JARID2: variants seen among roughly 807,000 people sequenced by gnomAD.
JARID2 encodes protein Jumonji.
In JARID2, 21 loss-of-function variants were observed where a neutral mutation model predicts 125.6. That is an observed-to-expected ratio of 0.17 (90% CI 0.12 to 0.24). The LOEUF is 0.24. Ranked by LOEUF, JARID2 falls within the 10% of genes least tolerant of loss-of-function variation. The pLI, the probability that JARID2 is intolerant of heterozygous loss-of-function variation, is 1.00. For synonymous variants in JARID2, 736 were observed against 661.6 expected (o/e 1.11, Z -1.73); for missense variants, 1,303 against 1,639.6 (o/e 0.79, Z 3.55).
At chr6:15,304,965 C>A (rs1761768718) in intron 1 of JARID2, among the ~76,000 whole-genome samples, 1 of 152,008 alleles carries the variant, frequency 6.6e-6, no homozygotes, top group Non-Finnish European at 1.5e-5. Context: ...CTTTTTACAA[C>A]CAGTTATGAT....
intron 4 of JARID2, among the ~76,000 whole-genome samples, chr6:15,454,677 TG>T (rs1368328460): frequency 6.6e-6 from 1 of 151,824 alleles, no homozygotes; most frequent in Non-Finnish European, 1.5e-5. Context: ...GAAGGAGTCT[TG>T]CTGTGTTCCC....
intron 2 of JARID2, among the ~76,000 whole-genome samples, chr6:15,398,323 C>T (rs1200487551): frequency 6.6e-6 from 1 of 152,194 alleles, no homozygotes; most frequent in African/African-American, 2.4e-5. Flanking sequence ...GTGGTGCCTT[C>T]AGCCTATTAA....
rs1770416795 is a variant in JARID2, at chr6:15,496,262, C to T, written c.1037C>T (p.Ala346Val). The T allele has an allele frequency of 6.2e-7, 1 of 1,614,068 alleles. No homozygotes were observed. The highest frequency in any genetic ancestry group is 8.5e-7 in the Non-Finnish European group (1 of 1,180,056). ...VKYTATVTKG[A>V]VTYTKAKREL... ...TACACTGCCACGGTGACGAAGGGGG[C>T]TGTCACATACACCAAAGCCAAGAGA... The change falls in exon 7 of 18, where the codon GCT becomes GTT. Residue 346 changes from alanine to valine, a missense_variant. By Grantham distance (64) the Ala-to-Val change is moderately conservative. Transcript: ENST00000341776.
chr6:15,288,699 G>T (rs1198578592), intron 1 of JARID2, among the ~76,000 whole-genome samples: 1 of 152,108 alleles, frequency 6.6e-6, no homozygotes, highest in Non-Finnish European at 1.5e-5. Context: ...ACTTTATTCA[G>T]GCCTCAGCTT....
chr6:15,326,580 C>T (rs532022273), intron 1 of JARID2, among the ~76,000 whole-genome samples: 3 of 152,288 alleles, frequency 2.0e-5, no homozygotes, highest in East Asian at 1.9e-4. Context: ...TCGCTCACTG[C>T]GACCTCCACC....
At chr6:15,503,846 T>C (rs1770861613) in intron 8 of JARID2, among the ~76,000 whole-genome samples, 1 of 152,170 alleles carries the variant, frequency 6.6e-6, no homozygotes, top group Non-Finnish European at 1.5e-5. Flanking sequence ...CCAAACTGAC[T>C]CAGCTGTTTT....
chr6:15,348,513 C>T (rs906963524), intron 1 of JARID2, among the ~76,000 whole-genome samples: 1 of 152,148 alleles, frequency 6.6e-6, no homozygotes, highest in African/African-American at 2.4e-5. Context: ...GGGACTGGTT[C>T]AGAGTCTTCA....
At chr6:15,499,665 T>C (rs1340512540) in intron 7 of JARID2, among the ~76,000 whole-genome samples, 2 of 152,162 alleles carry the variant, frequency 1.3e-5, no homozygotes, top group East Asian at 3.9e-4. Context: ...TCTGGGAGTC[T>C]GTGAGACCTG....
intron 12 of JARID2, among the ~76,000 whole-genome samples, chr6:15,509,633 T>C (rs1018048422): frequency 4.6e-5 from 7 of 152,242 alleles, no homozygotes; most frequent in African/African-American, 1.7e-4. Context: ...CCAGGACTAT[T>C]CCGAGAGGTG....
intron 3 of JARID2, among the ~76,000 whole-genome samples, chr6:15,433,410 C>CTGTGTG (rs57296791): frequency 0.049 from 7,028 of 143,368 alleles, 185 homozygotes; most frequent in South Asian, 0.073. Context: ...CCATGTCTCT[C>CTGTGTG]TGTGTGTGTG....
chr6:15,366,518 C>CGGGGGGG (rs1367437795), intron 1 of JARID2, among the ~76,000 whole-genome samples: 1 of 14,404 alleles, frequency 6.9e-5, no homozygotes, highest in African/African-American at 1.5e-4. Context: ...GCGGGGGGGG[C>CGGGGGGG]GGGGGGGGTG....
intron 1 of JARID2, among the ~76,000 whole-genome samples, chr6:15,286,132 T>G (rs1760990486): frequency 6.6e-6 from 1 of 152,206 alleles, no homozygotes; most frequent in Admixed American, 6.5e-5. Context: ...TTGACTCTCC[T>G]TTGGGTGAGT....
chr6:15,501,481 G>A, intron 8 of JARID2, 72 bp downstream of exon 8: 3 of 1,413,020 alleles, frequency 2.1e-6, no homozygotes, highest in Non-Finnish European at 2.8e-6. Flanking sequence ...AGTGGAGCGT[G>A]CTATGCACTG....
chr6:15,408,238 C>T (rs149294370), intron 2 of JARID2, among the ~76,000 whole-genome samples: 277 of 152,260 alleles, frequency 1.8e-3, no homozygotes, highest in African/African-American at 6.2e-3. Context: ...GGCAACAGAG[C>T]GAGACCCTAT....
intron 1 of JARID2, among the ~76,000 whole-genome samples, chr6:15,341,719 G>A (rs1394358370): frequency 6.6e-6 from 1 of 152,144 alleles, no homozygotes; most frequent in Non-Finnish European, 1.5e-5. Flanking sequence ...AAGAGAAATC[G>A]ATGAAAGGCA....
intron 2 of JARID2, among the ~76,000 whole-genome samples, chr6:15,406,906 C>G (rs1407709162): frequency 6.6e-6 from 1 of 151,966 alleles, no homozygotes; most frequent in Non-Finnish European, 1.5e-5. Flanking sequence ...TTGGCTGATT[C>G]TTGTAACTTT....
chr6:15,442,708 CT>C (rs1175321400), intron 3 of JARID2, among the ~76,000 whole-genome samples: 1 of 152,168 alleles, frequency 6.6e-6, no homozygotes, highest in East Asian at 1.9e-4. Context: ...TTTGTTGCCA[CT>C]TTAATTGTTG....
Position 15,513,418 on chromosome 6 carries a change from C to T in JARID2, c.3446C>T (p.Ser1149Phe). ...ATCTGCCAGCACCTGTGCTACCTGT[C>T]CATGGTGAGCCCGCCTGGCCCTGCC... The part of the protein sequence containing the change: ...CQICQHLCYL[S>F]MVVQENENVV... The change falls in exon 16 of 18, where the codon TCC becomes TTC. Residue 1149 changes from serine (S) to phenylalanine (F), a missense_variant. Transcript: ENST00000341776. The T allele has an allele frequency of 6.3e-7, 1 of 1,599,458 alleles. No individual in the cohort carries two copies. The highest frequency in any genetic ancestry group is 8.5e-7 in the Non-Finnish European group (1 of 1,170,404).
intron 7 of JARID2, 119 bp downstream of exon 7, chr6:15,497,289 C>G (rs991035513): frequency 1.0e-5 from 8 of 791,608 alleles, no homozygotes; most frequent in Non-Finnish European, 1.4e-5. Context: ...GCTTCCCTGT[C>G]TCGGGAGTAG....
Sources: gnomAD v4.1 joint callset for allele counts (sites outside exome capture counted in the v4.1 genomes callset) on GRCh38, gnomAD v4.1.1 for gene constraint, MANE v1.5 for transcripts, NCBI Gene and HGNC (gene_info 2026-07-23, HGNC 2026-07-21) for gene names.